CHMP3: variants seen among roughly 807,000 people sequenced by gnomAD.
CHMP3 encodes 25.1 protein.
A neutral mutation model predicts 27.4 loss-of-function variants in CHMP3; 8 were observed. The observed-to-expected ratio is 0.29, with a 90% CI of 0.17 to 0.53. The LOEUF is 0.53. Ranked by LOEUF, CHMP3 falls within the 20% of genes least tolerant of loss-of-function variation. CHMP3 has a pLI of 0.96. For missense variants in CHMP3, 208 were observed against 271.5 expected, an observed-to-expected ratio of 0.77 and a Z score of 1.64; for synonymous variants, 86 against 85.5, an observed-to-expected ratio of 1.01 and a Z score of -0.03.
intron 2 of CHMP3, among the ~76,000 whole-genome samples, chr2:86,534,463 T>G (rs1676049751): frequency 6.6e-6 from 1 of 152,120 alleles, no homozygotes; most frequent in South Asian, 2.1e-4. Context: ...CCCAAAGTGC[T>G]AGGATTACAG....
At chr2:86,535,419 T>C (rs1045832540) in intron 2 of CHMP3, among the ~76,000 whole-genome samples, 2 of 152,204 alleles carry the variant, frequency 1.3e-5, no homozygotes, top group Non-Finnish European at 2.9e-5. Flanking sequence ...TTTTATTCCC[T>C]TCTTATTTCC....
intron 1 of CHMP3, among the ~76,000 whole-genome samples, chr2:86,553,722 C>T (rs895042900): frequency 6.6e-6 from 1 of 152,138 alleles, no homozygotes; most frequent in Non-Finnish European, 1.5e-5. Context: ...ATACTGGGAA[C>T]ACCTGGGAAA....
At chr2:86,517,988 C>A (rs1365548818) in intron 3 of CHMP3, among the ~76,000 whole-genome samples, 2 of 152,154 alleles carry the variant, frequency 1.3e-5, no homozygotes, top group South Asian at 2.1e-4. Flanking sequence ...CCACTGCACT[C>A]CTGACTGGGC....
intron 1 of CHMP3, among the ~76,000 whole-genome samples, chr2:86,558,347 G>A (rs758763892): frequency 6.6e-6 from 1 of 152,140 alleles, no homozygotes; most frequent in Non-Finnish European, 1.5e-5. Flanking sequence ...AGTTTGTGCA[G>A]GGGCAAAGAT....
intron 3 of CHMP3, 71 bp downstream of exon 3, chr2:86,529,147 C>G (rs1675817831): frequency 4.3e-6 from 6 of 1,396,414 alleles, no homozygotes; most frequent in Non-Finnish European, 5.6e-6. Context: ...TTTTCCTATT[C>G]AAGGAACCCG....
At chr2:86,554,205 A>G (rs776683705) in intron 1 of CHMP3, among the ~76,000 whole-genome samples, 3 of 152,230 alleles carry the variant, frequency 2.0e-5, no homozygotes, top group African/African-American at 2.4e-5. Flanking sequence ...CCTGGTCTCC[A>G]TAACTGTAGA....
At chr2:86,545,849 G>A (rs1395123855) in intron 1 of CHMP3, among the ~76,000 whole-genome samples, 1 of 151,242 alleles carries the variant, frequency 6.6e-6, no homozygotes, top group Non-Finnish European at 1.5e-5. Flanking sequence ...AGACAGGGCG[G>A]CAGGGCAGAG....
chr2:86,545,865 C>T (rs1459114433), intron 1 of CHMP3, among the ~76,000 whole-genome samples: 1 of 151,942 alleles, frequency 6.6e-6, no homozygotes, highest in Non-Finnish European at 1.5e-5. Context: ...CAGAGGCGCT[C>T]CTCACTTCCC....
chr2:86,544,832 C>T (rs1017161774), intron 1 of CHMP3, among the ~76,000 whole-genome samples: 4 of 152,342 alleles, frequency 2.6e-5, no homozygotes, highest in East Asian at 1.9e-4. Context: ...CATCATGGCC[C>T]GTTCTTGATG....
At chr2:86,555,098 C>T (rs1031035249) in intron 1 of CHMP3, among the ~76,000 whole-genome samples, 2 of 151,944 alleles carry the variant, frequency 1.3e-5, no homozygotes, top group African/African-American at 4.8e-5. Flanking sequence ...TCTGCTCGCC[C>T]CAGCCTCCCA....
chr2:86,545,924 G>A lies in CHMP3; in HGVS notation c.46-3612C>T, dbSNP rs576675904. 2.9e-3 allele frequency among the ~76,000 whole-genome samples: 437 copies of A among 152,224 alleles called. 5 individuals carry two copies. The highest frequency in any genetic ancestry group is 9.9e-3 in the African/African-American group (411 of 41,532). On this transcript the variant is annotated intron_variant, in intron 1 of 5. Transcript: ENST00000263856. Reference sequence around the variant, plus strand: ...GCTCCTCACATCCCAGAGGATGGGCGGCCAGGCAGAGACACTCCTCACTTC... The same window carrying A: ...GCTCCTCACATCCCAGAGGATGGGCAGCCAGGCAGAGACACTCCTCACTTC...
chr2:86,514,200 C>T (rs531202784), intron 3 of CHMP3, among the ~76,000 whole-genome samples: 10 of 152,248 alleles, frequency 6.6e-5, no homozygotes, highest in African/African-American at 1.9e-4. Flanking sequence ...ATAACCAGCT[C>T]GAAGCAGGGA....
intron 5 of CHMP3, 58 bp downstream of exon 5, chr2:86,507,421 G>A (rs1674927332): frequency 2.7e-6 from 4 of 1,477,554 alleles, no homozygotes; most frequent in Non-Finnish European, 3.8e-6. Flanking sequence ...CTAATTTAGT[G>A]AATGAAGGAA....
chr2:86,552,278 C>A (rs993006885), intron 1 of CHMP3, among the ~76,000 whole-genome samples: 2 of 152,122 alleles, frequency 1.3e-5, no homozygotes, highest in African/African-American at 2.4e-5. Context: ...ATTATTATAC[C>A]AATTCTTTAT....
intron 3 of CHMP3, among the ~76,000 whole-genome samples, chr2:86,524,587 G>A (rs887729094): frequency 5.3e-5 from 8 of 152,192 alleles, no homozygotes; most frequent in African/African-American, 1.9e-4. Context: ...GAAGATATGT[G>A]TAGGTTATAT....
At chr2:86,507,682 A>C (rs1674939313) in intron 4 of CHMP3, 89 bp from the exon 5 acceptor site, 1 of 1,078,298 alleles carries the variant, frequency 9.3e-7, no homozygotes, top group Admixed American at 1.8e-5. Flanking sequence ...GCTCTAGCCT[A>C]AGTCCAGTCT....
At chr2:86,520,449 A>C (rs1287134612) in intron 3 of CHMP3, among the ~76,000 whole-genome samples, 1 of 152,124 alleles carries the variant, frequency 6.6e-6, no homozygotes, top group Non-Finnish European at 1.5e-5. Flanking sequence ...CTATCATGAG[A>C]CACCACTAGG....
chr2:86,560,434 T>C (rs1180668343), intron 1 of CHMP3, among the ~76,000 whole-genome samples: 2 of 152,012 alleles, frequency 1.3e-5, no homozygotes, highest in African/African-American at 4.8e-5. Context: ...CTGGAAACCA[T>C]CATTCTCAGC....
chr2:86,520,366 C>T (rs946727983), intron 3 of CHMP3, among the ~76,000 whole-genome samples: 3 of 151,880 alleles, frequency 2.0e-5, no homozygotes, highest in South Asian at 2.1e-4. Flanking sequence ...CTCCACTGGC[C>T]GGCAGGAGAC....
Sources: allele counts gnomAD v4.1 joint callset (sites outside exome capture counted in the v4.1 genomes callset), GRCh38; gene constraint gnomAD v4.1.1; transcripts MANE v1.5; gene names NCBI Gene and HGNC (gene_info 2026-07-23, HGNC 2026-07-21).